RSBN1L: variants seen among roughly 807,000 people sequenced by gnomAD.
RSBN1L encodes the protein round spermatid basic protein 1 like, also known as lysine-specific demethylase RSBN1L.
RSBN1L carries 30 observed loss-of-function variants against 67.7 expected under a neutral mutation model. That is an observed-to-expected ratio of 0.44 (90% CI 0.33 to 0.60). The LOEUF (loss-of-function observed/expected upper bound fraction) is 0.60, where lower values mean the gene tolerates loss of function less well. RSBN1L is among the 20% of genes least tolerant of loss of function. The pLI is 0.02. For missense variants in RSBN1L, 992 were observed against 1,031.7 expected (o/e 0.96, Z 0.53); for synonymous variants, 433 against 387.0 (o/e 1.12, Z -1.39).
At chr7:77,748,641 T>C (rs535090438) in intron 2 of RSBN1L, among the ~76,000 whole-genome samples, 6 of 152,112 alleles carry the variant, frequency 3.9e-5, no homozygotes, top group Admixed American at 2.6e-4. Flanking sequence ...CTCACCACCA[T>C]GCCCAGCTAA....
chr7:77,738,880 G>A (rs554596359), intron 2 of RSBN1L, among the ~76,000 whole-genome samples: 1 of 152,070 alleles, frequency 6.6e-6, no homozygotes, highest in South Asian at 2.1e-4. Flanking sequence ...CGGAGGTTGC[G>A]GTGAGCCAAG....
chr7:77,725,791 T>A (rs1009182111), intron 1 of RSBN1L, among the ~76,000 whole-genome samples: 1 of 151,816 alleles, frequency 6.6e-6, no homozygotes, highest in Non-Finnish European at 1.5e-5. Flanking sequence ...GGTTTCTCCA[T>A]GTTGGTCAGG....
chr7:77,761,508 T>C (rs941757748), intron 3 of RSBN1L, among the ~76,000 whole-genome samples: 7 of 152,236 alleles, frequency 4.6e-5, no homozygotes, highest in Admixed American at 3.3e-4. Context: ...GATTTTTTTG[T>C]AATAGGTGAA....
chr7:77,723,053 C>T (rs181731525), intron 1 of RSBN1L, among the ~76,000 whole-genome samples: 300 of 151,558 alleles, frequency 2.0e-3, no homozygotes, highest in Admixed American at 3.8e-3. Context: ...CCACAACCTC[C>T]GCCTCCTGGT....
intron 5 of RSBN1L, 123 bp from the exon 6 acceptor site, chr7:77,773,024 T>TAA (rs1187162002): frequency 1.9e-6 from 1 of 535,474 alleles, no homozygotes; most frequent in African/African-American, 1.9e-5. Context: ...GTGTTCATTT[T>TAA]AAAGATAGAA....
At chr7:77,713,239 C>T (rs1562794942) in intron 1 of RSBN1L, among the ~76,000 whole-genome samples, 2 of 151,984 alleles carry the variant, frequency 1.3e-5, no homozygotes, top group Non-Finnish European at 2.9e-5. Flanking sequence ...TCTAAACTAT[C>T]ATTAGTTCAT....
At chr7:77,703,225 CTT>C (rs1247478507) in intron 1 of RSBN1L, among the ~76,000 whole-genome samples, 1 of 152,174 alleles carries the variant, frequency 6.6e-6, no homozygotes, top group African/African-American at 2.4e-5. Flanking sequence ...GACCATACCT[CTT>C]GTTTCCTTAG....
chr7:77,768,062 C>T (rs6952502), intron 4 of RSBN1L, among the ~76,000 whole-genome samples: 85,471 of 149,956 alleles, frequency 0.57, 26,198 homozygotes, highest in African/African-American at 0.81. Flanking sequence ...CTGGCCAGGA[C>T]GGTCTCGATA....
intron 1 of RSBN1L, among the ~76,000 whole-genome samples, chr7:77,705,282 A>T (rs980225191): frequency 1.3e-5 from 2 of 152,190 alleles, no homozygotes; most frequent in Admixed American, 6.5e-5. Flanking sequence ...CATAATTTTT[A>T]AAATAATTGT....
Position 77,779,241 on chromosome 7 carries a change from A to G in RSBN1L, c.*73A>G, listed in dbSNP as rs757579969. On this transcript the variant is annotated 3_prime_UTR_variant, in exon 8 of 8. Transcript: ENST00000334955. ...TAAAGATTCATGAATTCTGAAAGCA[A>G]GCCAAGGACTTGCTCCTATGTCTGT... 9.3e-7 allele frequency: 1 copy of G among 1,080,310 alleles called. No homozygotes were observed. Among genetic ancestry groups the G allele is most frequent in the Admixed American group, 2.7e-5 (1 of 37,100 alleles). 66.9% of individuals were successfully genotyped at this position (1,080,310 alleles called of 1,614,324 possible). A position where few individuals can be genotyped will look rare whatever the true frequency, so the allele number is the denominator to read the frequency against.
intron 1 of RSBN1L, among the ~76,000 whole-genome samples, chr7:77,705,085 C>A (rs1470224081): frequency 2.0e-5 from 3 of 152,050 alleles, no homozygotes; most frequent in African/African-American, 7.2e-5. Flanking sequence ...ATCTTAACCC[C>A]CATACTATCA....
chr7:77,756,651 G>A (rs993062411), intron 3 of RSBN1L, among the ~76,000 whole-genome samples: 3 of 151,874 alleles, frequency 2.0e-5, no homozygotes, highest in Admixed American at 6.6e-5. Context: ...GGTGGTGGGC[G>A]CCTGTAGTCC....
At chr7:77,731,245 A>G (rs1426594827) in intron 1 of RSBN1L, among the ~76,000 whole-genome samples, 4 of 151,574 alleles carry the variant, frequency 2.6e-5, no homozygotes, top group African/African-American at 9.7e-5. Context: ...GCAGGGTCTC[A>G]CTCGTTCATC....
At chr7:77,770,348 C>T (rs1039517701) in intron 5 of RSBN1L, among the ~76,000 whole-genome samples, 43 of 151,684 alleles carry the variant, frequency 2.8e-4, no homozygotes, top group African/African-American at 9.9e-4. Context: ...GCACTCCAGC[C>T]TGGCCGATAG....
At chr7:77,772,305 A>G (rs1791860228) in intron 5 of RSBN1L, among the ~76,000 whole-genome samples, 1 of 152,218 alleles carries the variant, frequency 6.6e-6, no homozygotes, top group Non-Finnish European at 1.5e-5. Context: ...ATAGACAAGG[A>G]TGAGAGGAGA....
At chr7:77,716,808 T>G (rs1791055436) in intron 1 of RSBN1L, among the ~76,000 whole-genome samples, 1 of 151,920 alleles carries the variant, frequency 6.6e-6, no homozygotes, top group African/African-American at 2.4e-5. Context: ...TTTTTTGTAT[T>G]TTTAGTAGAG....
At chr7:77,762,992 G>T (rs1002987641) in intron 3 of RSBN1L, among the ~76,000 whole-genome samples, 1 of 152,050 alleles carries the variant, frequency 6.6e-6, no homozygotes, top group East Asian at 1.9e-4. Flanking sequence ...ATCATTGTTG[G>T]TACTGTGATG....
intron 1 of RSBN1L, among the ~76,000 whole-genome samples, chr7:77,707,811 C>T (rs1790915460): frequency 6.6e-6 from 1 of 151,958 alleles, no homozygotes; most frequent in Non-Finnish European, 1.5e-5. Context: ...CTTGGGTGCA[C>T]CATGAGCTGG....
intron 1 of RSBN1L, among the ~76,000 whole-genome samples, chr7:77,700,526 G>A (rs79098514): frequency 0.054 from 8,159 of 152,234 alleles, 290 homozygotes; most frequent in South Asian, 0.15. Flanking sequence ...ATAATTTGAG[G>A]TATATAAATG....
Sources: allele counts gnomAD v4.1 joint callset (sites outside exome capture counted in the v4.1 genomes callset), GRCh38; gene constraint gnomAD v4.1.1; transcripts MANE v1.5; gene names NCBI Gene and HGNC (gene_info 2026-07-23, HGNC 2026-07-21).